NALCN: variants seen among roughly 807,000 people sequenced by gnomAD.
The protein encoded by NALCN is sodium leak channel, non-selective, also known as sodium leak channel NALCN.
A neutral mutation model predicts 225.3 loss-of-function variants in NALCN; 111 were observed. That is an observed-to-expected ratio of 0.49 (90% confidence interval 0.42 to 0.58). The LOEUF (loss-of-function observed/expected upper bound fraction) is 0.58, where lower values mean the gene tolerates loss of function less well. NALCN is among the 20% of genes least tolerant of loss of function. The probability of loss-of-function intolerance (pLI) is 0.00; values close to 1 mark genes in which losing one functional copy is unlikely to be tolerated. For synonymous variants in NALCN, 764 were observed against 769.0 expected (o/e 0.99, Z 0.11); for missense variants, 1,378 against 2,202.4 (o/e 0.63, Z 7.49).
chr13:101,074,502 G>A lies in NALCN; in HGVS notation c.4103+12C>T. ...GCTTGATAAATGAATAGAAAGATAA[G>A]TATATACCAACCTGTTAATATTCTC... On this transcript the variant is annotated intron_variant, in intron 36 of 43. Coordinates refer to ENST00000251127, the MANE Select transcript of NALCN (RefSeq NM_052867.4). 4 of 1,589,696 alleles carry A rather than the reference G, an allele frequency of 2.5e-6. No homozygotes were observed. Among genetic ancestry groups the A allele is most frequent in the Non-Finnish European group, 3.4e-6 (4 of 1,173,004 alleles).
rs538439510 is a variant in NALCN at position 101,084,824 on chromosome 13, G to A, written c.3490-1020C>T. On this transcript the variant is annotated intron_variant, in intron 30 of 43. Coordinates refer to ENST00000251127, the MANE Select transcript of NALCN (RefSeq NM_052867.4). ...GTTTCTCCATTGTTGATCTCTAGGA[G>A]AAGAATTGATGGGGTCTAGGAATTT... Among the ~76,000 whole-genome samples the A allele has an allele frequency of 3.9e-5, 6 of 152,212 alleles. No individual in the cohort carries two copies. In the East Asian group the frequency reaches 1.2e-3, roughly 29 times the overall value.
At chr13:101,283,859 T>G (rs2043249856) in intron 10 of NALCN, 74 bp downstream of exon 10, 7 of 1,262,524 alleles carry the variant, frequency 5.5e-6, no homozygotes, top group South Asian at 2.9e-5. Flanking sequence ...CTTAAAGAGC[T>G]GTGGATTTTC....
intron 7 of NALCN, among the ~76,000 whole-genome samples, chr13:101,316,070 T>C (rs1262263267): frequency 6.6e-6 from 1 of 152,176 alleles, no homozygotes; most frequent in Non-Finnish European, 1.5e-5. Context: ...GTTGTAGCTC[T>C]GTCACTAATG....
chr13:101,237,095 G>A (rs1416245208), intron 12 of NALCN, among the ~76,000 whole-genome samples: 1 of 151,752 alleles, frequency 6.6e-6, no homozygotes, highest in Non-Finnish European at 1.5e-5. Flanking sequence ...TGAGCGTGTT[G>A]CTATATTCAA....
intron 7 of NALCN, among the ~76,000 whole-genome samples, chr13:101,323,323 T>C (rs1234824858): frequency 1.3e-5 from 2 of 152,198 alleles, no homozygotes; most frequent in African/African-American, 4.8e-5. Context: ...CTAGAATAAA[T>C]GTCTCAGCAT....
At chr13:101,203,946 G>A (rs773753213) in intron 13 of NALCN, among the ~76,000 whole-genome samples, 4 of 152,166 alleles carry the variant, frequency 2.6e-5, no homozygotes, top group Non-Finnish European at 5.9e-5. Flanking sequence ...ATTGCAGTTG[G>A]CAAATTGACT....
At chr13:101,377,706 G>A (rs2046733675) in intron 4 of NALCN, among the ~76,000 whole-genome samples, 1 of 152,124 alleles carries the variant, frequency 6.6e-6, no homozygotes, top group Admixed American at 6.5e-5. Flanking sequence ...ATAAAGAATA[G>A]ATGATTGAAC....
chr13:101,162,203 C>T (rs962850397), intron 15 of NALCN, among the ~76,000 whole-genome samples: 7 of 152,192 alleles, frequency 4.6e-5, no homozygotes, highest in Non-Finnish European at 7.3e-5. Flanking sequence ...GAAAGCTCAT[C>T]TCAATCTTTA....
intron 6 of NALCN, among the ~76,000 whole-genome samples, chr13:101,357,292 T>A (rs770982953): frequency 6.6e-6 from 1 of 152,118 alleles, no homozygotes; most frequent in Non-Finnish European, 1.5e-5. Flanking sequence ...AACCCCATCA[T>A]CTCAGCCCGA....
intron 15 of NALCN, among the ~76,000 whole-genome samples, chr13:101,169,556 T>C (rs2038615546): frequency 6.6e-6 from 1 of 152,174 alleles, no homozygotes. Context: ...GCTTCTTCTT[T>C]GAATACCCAC....
chr13:101,406,828 G>T (rs1287514111), intron 1 of NALCN, among the ~76,000 whole-genome samples: 2 of 152,034 alleles, frequency 1.3e-5, no homozygotes, highest in African/African-American at 4.8e-5. Context: ...TAAAGAATGA[G>T]AAAAACATAT....
At chr13:101,177,733 C>A (rs1594371578) in intron 14 of NALCN, among the ~76,000 whole-genome samples, 1 of 152,066 alleles carries the variant, frequency 6.6e-6, no homozygotes, top group East Asian at 1.9e-4. Context: ...TCATATTTTT[C>A]TTTTCAGTTT....
rs1466408846 is a variant in NALCN at position 101,292,440 on chromosome 13, T to C, written c.800-74A>G. 3 of 1,448,166 alleles carry C rather than the reference T, an allele frequency of 2.1e-6. No individual in the cohort carries two copies. The highest frequency in any genetic ancestry group is 2.8e-6 in the Non-Finnish European group (3 of 1,070,472). The allele number at this position is 1,448,166 out of a possible 1,614,324, so 89.7% of individuals were successfully genotyped here. A position where few individuals can be genotyped will look rare whatever the true frequency, so the allele number is the denominator to read the frequency against. On this transcript the variant is annotated intron_variant, in intron 7 of 43. Transcript: ENST00000251127. This position sits in a 1 kb window ranked among gnomAD's most constrained non-coding sequence, Gnocchi z 4.3. ...AAGAAAGCATTTTCCAGAAAAACAA[T>C]CAATATTTATCCATACTTATTTTCT...
intron 6 of NALCN, among the ~76,000 whole-genome samples, chr13:101,352,629 G>A (rs757623486): frequency 2.6e-5 from 4 of 152,236 alleles, no homozygotes; most frequent in Non-Finnish European, 4.4e-5. Flanking sequence ...ACAAGGATTC[G>A]TGCTACCCTA....
intron 3 of NALCN, among the ~76,000 whole-genome samples, chr13:101,392,505 T>C (rs1425026680): frequency 2.0e-5 from 3 of 152,196 alleles, no homozygotes; most frequent in Non-Finnish European, 4.4e-5. Flanking sequence ...ATTCACTTAA[T>C]CCAATAATGT....
intron 11 of NALCN, among the ~76,000 whole-genome samples, chr13:101,246,734 G>A (rs570233985): frequency 6.6e-6 from 1 of 152,290 alleles, no homozygotes; most frequent in South Asian, 2.1e-4. Context: ...CTGCTGCTAT[G>A]GCAAGATTGA....
intron 17 of NALCN, among the ~76,000 whole-genome samples, chr13:101,142,138 CTT>C (rs33925974): frequency 1.5e-3 from 150 of 97,038 alleles, no homozygotes; most frequent in Middle Eastern, 8.3e-3. Flanking sequence ...CATTCTATGT[CTT>C]TTTTTTTTTT....
chr13:101,258,155 AATAAGAGGTGG>A (rs1403903457), intron 11 of NALCN, among the ~76,000 whole-genome samples: 1 of 152,126 alleles, frequency 6.6e-6, no homozygotes, highest in Non-Finnish European at 1.5e-5. Flanking sequence ...AGGGAGAGAT[AATAAGAGGTGG>A]ATAGGAAAAC....
In NALCN at chr13:101,095,565, T is replaced by C; in HGVS notation, c.3269+9A>G. 1 of 1,602,462 alleles carries C rather than the reference T, an allele frequency of 6.2e-7. No homozygotes were observed. The highest frequency in any genetic ancestry group is 8.5e-7 in the Non-Finnish European group (1 of 1,171,696). The stretch of plus-strand genomic sequence containing the variant: ...CATTCTTCAGAATATTTTTTTATGA[T>C]ATACTTACCAAACACGGGGCACCCA... On this transcript the variant is annotated intron_variant, in intron 28 of 43. Coordinates refer to ENST00000251127, the MANE Select transcript of NALCN (RefSeq NM_052867.4).
Sources: gnomAD v4.1 joint callset for allele counts (sites outside exome capture counted in the v4.1 genomes callset) on GRCh38, gnomAD v4.1.1 for gene constraint, Gnocchi (gnomAD v3.1) non-coding constraint, MANE v1.5 for transcripts, NCBI Gene and HGNC (gene_info 2026-07-23, HGNC 2026-07-21) for gene names.